Variants in MYO1F observed in about 807,000 individuals in gnomAD.
MYO1F encodes myosin IF, also known as unconventional myosin-If.
MYO1F carries 60 observed loss-of-function variants against 146.6 expected under a neutral mutation model. The ratio of observed to expected loss-of-function variants is 0.41; its 90% CI spans 0.33 to 0.51. MYO1F has a LOEUF of 0.51. Among genes scored for constraint, MYO1F ranks in the 20% least tolerant of loss-of-function variants. MYO1F has a pLI of 0.25. For synonymous variants in MYO1F, 602 were observed against 602.1 expected (o/e 1.00, Z 0.00); for missense variants, 1,274 against 1,534.3 (o/e 0.83, Z 2.83).
intron 1 of MYO1F, chr19:8,576,590 G>C (rs561111788): frequency 8.7e-4 from 135 of 155,758 alleles, no homozygotes; most frequent in African/African-American, 3.0e-3. Context: ...CAGTCTCCCC[G>C]TTGCTATCAT....
At position 8,536,560 on chromosome 19, in the gene MYO1F, TCTC is replaced by T. The variant is rs1216395468; in HGVS notation, c.1834_1836del (p.Glu612del). 1.2e-6 allele frequency: 2 copies of T among 1,601,270 alleles called. No homozygotes were observed. Among genetic ancestry groups the T allele is most frequent in the Non-Finnish European group, 1.7e-6 (2 of 1,174,954 alleles). On this transcript the variant is annotated inframe_deletion, in exon 18 of 28. Coordinates refer to ENST00000644032, the MANE Select transcript of MYO1F (RefSeq NM_012335.4). ...AAGCCGGCTCTGCGCACCCTGATGT[TCTC>T]CTTCAGGCCCAGGTATTCCACCTGG...
intron 10 of MYO1F, 105 bp from the exon 11 acceptor site, chr19:8,548,422 C>A (rs1973463206): frequency 2.0e-6 from 2 of 1,014,128 alleles, no homozygotes; most frequent in East Asian, 2.5e-5. Flanking sequence ...GGGTGATGTC[C>A]CCTCATGCCA....
In MYO1F at chr19:8,540,004, G is replaced by A. The variant is rs201331083; in HGVS notation, c.1635C>T (p.Pro545=). 174 of 1,612,142 alleles carry A rather than the reference G, an allele frequency of 1.1e-4. 1 individual carries two copies. In the East Asian group the frequency reaches 1.9e-3, roughly 17 times the overall value. The change falls in exon 16 of 28, where the codon CCC becomes CCT. Residue 545 remains proline, a synonymous_variant. Transcript: ENST00000644032. ...SEQAFLRMLF[P]EKLDGDKKGR... ...CCTTCTTGTCTCCATCCAGCTTCTC[G>A]GGGAAGAGCATCCGGAGGAAGGCCC...
chr19:8,529,403 G>A (rs1298661117), intron 21 of MYO1F, among the ~76,000 whole-genome samples: 1 of 152,074 alleles, frequency 6.6e-6, no homozygotes, highest in African/African-American at 2.4e-5. Flanking sequence ...TAGAGTACAC[G>A]TAGGTTCAGG....
At position 8,524,118 on chromosome 19, in the gene MYO1F, C is replaced by CAAAA. The variant is rs746455069; in HGVS notation, c.2855-1293_2855-1290dup. Among the ~76,000 whole-genome samples the CAAAA allele has an allele frequency of 7.8e-4, 36 of 45,912 alleles. 1 individual carries two copies. The highest frequency in any genetic ancestry group is 1.3e-3 in the African/African-American group (12 of 9,568). 30.1% of individuals were successfully genotyped at this position (45,912 alleles called of 152,430 possible). Reference sequence around the variant, plus strand: ...TGGGCAACAGAGCAAGACACCGTCTCAAAAAAAAAAAAAAAAAAAAGGCCG... The same window carrying CAAAA: ...TGGGCAACAGAGCAAGACACCGTCTCAAAAAAAAAAAAAAAAAAAAAAAAGGCCG... On this transcript the variant is annotated intron_variant, in intron 25 of 27. Coordinates refer to ENST00000644032, the MANE Select transcript of MYO1F (RefSeq NM_012335.4).
chr19:8,533,357 C>CT lies in MYO1F; in HGVS notation c.2044-2785dup, dbSNP rs762061787. Among the ~76,000 whole-genome samples, 185 of 115,192 alleles carry CT rather than the reference C, an allele frequency of 1.6e-3. 2 individuals carry two copies. The highest frequency in any genetic ancestry group is 4.5e-3 in the South Asian group (16 of 3,554). 75.6% of individuals were successfully genotyped at this position (115,192 alleles called of 152,430 possible). A position where few individuals can be genotyped will look rare whatever the true frequency, so the allele number is the denominator to read the frequency against. ...GATTCTTCTTCTTCTTCTTCTTCTT[C>CT]TTTTTTTTTTTTTTTGAGACGGAGT... On this transcript the variant is annotated intron_variant, in intron 19 of 27. Transcript: ENST00000644032.
At chr19:8,548,884 G>A (rs539144601) in intron 10 of MYO1F, among the ~76,000 whole-genome samples, 51 of 151,922 alleles carry the variant, frequency 3.4e-4, no homozygotes, top group Non-Finnish European at 6.6e-4. Flanking sequence ...CACTGCGCCC[G>A]GCCTTGCACC....
intron 7 of MYO1F, 36 bp downstream of exon 7, chr19:8,551,997 G>A (rs571617491): frequency 6.2e-7 from 1 of 1,613,866 alleles, no homozygotes; most frequent in East Asian, 2.2e-5. Context: ...CTGGGCTCCA[G>A]GTGGTGCTCC....
chr19:8,532,580 G>A (rs1301635463), intron 19 of MYO1F, among the ~76,000 whole-genome samples: 5 of 152,106 alleles, frequency 3.3e-5, no homozygotes, highest in African/African-American at 9.7e-5. Context: ...GTCAATTAGT[G>A]AAGATGGGAA....
At chr19:8,524,924 C>CCGTAGCT (rs1972202657) in intron 25 of MYO1F, among the ~76,000 whole-genome samples, 1 of 152,074 alleles carries the variant, frequency 6.6e-6, no homozygotes, top group Admixed American at 6.6e-5. Context: ...AGGCCAGGCG[C>CCGTAGCT]CGTAGCTCAT....
chr19:8,547,437 C>G (rs1181382234), intron 12 of MYO1F, among the ~76,000 whole-genome samples: 1 of 151,306 alleles, frequency 6.6e-6, no homozygotes, highest in African/African-American at 2.4e-5. Flanking sequence ...AACCCTGTCT[C>G]TACTAAAAAT....
intron 19 of MYO1F, among the ~76,000 whole-genome samples, chr19:8,533,479 C>T (rs1325178594): frequency 6.6e-6 from 1 of 151,876 alleles, no homozygotes; most frequent in East Asian, 1.9e-4. Context: ...CTCAGCCTCC[C>T]GAGTAGCTGG....
intron 1 of MYO1F, among the ~76,000 whole-genome samples, chr19:8,562,156 A>ATTTTTTTT (rs1490847496): frequency 1.3e-4 from 18 of 142,882 alleles, no homozygotes; most frequent in African/African-American, 4.8e-4. Flanking sequence ...TGCCCGGCTA[A>ATTTTTTTT]TTTTTTCTTT....
intron 16 of MYO1F, among the ~76,000 whole-genome samples, chr19:8,538,045 C>G (rs533984213): frequency 1.3e-5 from 2 of 151,800 alleles, no homozygotes; most frequent in African/African-American, 4.8e-5. Context: ...GATCTCGGCT[C>G]ACTGCAACCT....
chr19:8,554,114 C>T (rs144596316), intron 4 of MYO1F, among the ~76,000 whole-genome samples: 2 of 151,980 alleles, frequency 1.3e-5, no homozygotes, highest in Admixed American at 6.6e-5. Flanking sequence ...CGTGCACCAC[C>T]GTGTCCGGCT....
chr19:8,544,763 G>A (rs1215631476), intron 13 of MYO1F, among the ~76,000 whole-genome samples: 1 of 151,956 alleles, frequency 6.6e-6, no homozygotes, highest in East Asian at 1.9e-4. Context: ...TTGGTAGGGG[G>A]ACCTGCCTTA....
At position 8,554,551 on chromosome 19, in the gene MYO1F, C is replaced by T. The variant is rs377374275; in HGVS notation, c.252G>A (p.Pro84=). The change falls in exon 4 of 28, where the codon CCG becomes CCA. Residue 84 remains proline (P), a synonymous_variant. Coordinates refer to ENST00000644032, the MANE Select transcript of MYO1F (RefSeq NM_012335.4). ...TGTTGTCCGTGAGGGCGTAGATGTG[C>T]GGGGGATTCTCATACTGGGCCTGGC... The part of the protein sequence containing the change: ...YQGAAQYENP[P]HIYALTDNMY... 44 of 1,613,396 alleles carry T rather than the reference C, an allele frequency of 2.7e-5. No homozygotes were observed. Among genetic ancestry groups the T allele is most frequent in the Middle Eastern group, 3.3e-4 (2 of 6,044 alleles).
rs112422651 is a variant in MYO1F at position 8,530,829 on chromosome 19, C to G, written c.2044-256G>C. Reference sequence around the variant, plus strand: ...CCGAGGCGGGTGGATCACCTGAGGTCAGGAGTTTGAGACGAGCCTGACCGA... The same window carrying G: ...CCGAGGCGGGTGGATCACCTGAGGTGAGGAGTTTGAGACGAGCCTGACCGA... On this transcript the variant is annotated intron_variant, in intron 19 of 27. Coordinates refer to ENST00000644032, the MANE Select transcript of MYO1F (RefSeq NM_012335.4). The surrounding 1 kb of genome is among the most constrained non-coding windows in gnomAD (Gnocchi z 5.8). Among the ~76,000 whole-genome samples the G allele has an allele frequency of 0.018, 2,669 of 152,300 alleles. 29 individuals are homozygous for G. Among genetic ancestry groups the G allele is most frequent in the African/African-American group, 0.037 (1,536 of 41,574 alleles).
chr19:8,536,613 G>C lies in MYO1F; in HGVS notation c.1800-16C>G, dbSNP rs1284398559. On this transcript the variant is annotated splice_polypyrimidine_tract_variant and intron_variant, in intron 17 of 27. Coordinates refer to ENST00000644032, the MANE Select transcript of MYO1F (RefSeq NM_012335.4). ...GTGCTTGACTCTGGTGGGGAGGGTA[G>C]GCTGAGTCCCCTCGGGGTGGGGAGT... is the stretch of plus-strand genomic sequence containing the variant. 2 of 1,592,692 alleles carry C rather than the reference G, an allele frequency of 1.3e-6. No individual in the cohort carries two copies. Among genetic ancestry groups the C allele is most frequent in the African/African-American group, 2.8e-5 (2 of 72,222 alleles).
Sources: allele counts gnomAD v4.1 joint callset (sites outside exome capture counted in the v4.1 genomes callset), GRCh38; gene constraint gnomAD v4.1.1; non-coding constraint Gnocchi (gnomAD v3.1); transcripts MANE v1.5; gene names NCBI Gene and HGNC (gene_info 2026-07-23, HGNC 2026-07-21).